KIAA0232: variants seen among roughly 807,000 people sequenced by gnomAD.
KIAA0232 encodes the protein KIAA0232.
A neutral mutation model predicts 122.0 loss-of-function variants in KIAA0232; 27 were observed. That is an observed-to-expected ratio of 0.22 (90% CI 0.16 to 0.31). The LOEUF (loss-of-function observed/expected upper bound fraction) is 0.31. Ranked by LOEUF, KIAA0232 falls within the 10% of genes least tolerant of loss-of-function variation. KIAA0232 has a pLI of 1.00. For synonymous variants in KIAA0232, 613 were observed against 587.6 expected (o/e 1.04, Z -0.63); for missense variants, 1,551 against 1,634.2 (o/e 0.95, Z 0.88).
At chr4:6,814,909 A>G (rs914370002) in intron 2 of KIAA0232, among the ~76,000 whole-genome samples, 2 of 152,180 alleles carry the variant, frequency 1.3e-5, no homozygotes, top group Non-Finnish European at 2.9e-5. Flanking sequence ...AAAAAAGACA[A>G]ATTTTAAAAT....
chr4:6,804,193 T>C (rs1322221309), intron 1 of KIAA0232, among the ~76,000 whole-genome samples: 1 of 152,184 alleles, frequency 6.6e-6, no homozygotes, highest in Non-Finnish European at 1.5e-5. Context: ...CTAACACTTT[T>C]AGCAGCTGTA....
intron 2 of KIAA0232, among the ~76,000 whole-genome samples, chr4:6,821,832 G>A (rs1718439925): frequency 1.3e-5 from 2 of 151,960 alleles, no homozygotes. Context: ...GAGTGTGCAA[G>A]TATCTTTTTG....
At chr4:6,795,824 C>T (rs1259151967) in intron 1 of KIAA0232, among the ~76,000 whole-genome samples, 1 of 152,234 alleles carries the variant, frequency 6.6e-6, no homozygotes, top group African/African-American at 2.4e-5. Flanking sequence ...CTCCTGCTCT[C>T]ATGCAGTCCG....
At chr4:6,859,244 TA>T (rs1313312294) in intron 6 of KIAA0232, among the ~76,000 whole-genome samples, 6 of 152,208 alleles carry the variant, frequency 3.9e-5, no homozygotes, top group Non-Finnish European at 8.8e-5. Flanking sequence ...AAGATACTTT[TA>T]TTTTTTTGTT....
intron 3 of KIAA0232, among the ~76,000 whole-genome samples, chr4:6,830,619 C>A (rs190394881): frequency 6.6e-6 from 1 of 151,926 alleles, no homozygotes; most frequent in Admixed American, 6.6e-5. Flanking sequence ...GTTGGCCAGG[C>A]TGGTCTCGAA....
At chr4:6,807,408 C>T (rs1717691056) in intron 2 of KIAA0232, among the ~76,000 whole-genome samples, 1 of 152,192 alleles carries the variant, frequency 6.6e-6, no homozygotes, top group Non-Finnish European at 1.5e-5. Flanking sequence ...GACTAGTAAG[C>T]ATGGAATTTC....
intron 3 of KIAA0232, among the ~76,000 whole-genome samples, chr4:6,833,590 C>T (rs1047070530): frequency 1.3e-5 from 2 of 151,820 alleles, no homozygotes; most frequent in African/African-American, 2.4e-5. Context: ...ATGATTGTGT[C>T]ACTGCACTCC....
chr4:6,851,658 G>A (rs911616658), intron 4 of KIAA0232, among the ~76,000 whole-genome samples: 9 of 150,202 alleles, frequency 6.0e-5, no homozygotes, highest in Admixed American at 2.7e-4. Flanking sequence ...CAAGGATATG[G>A]TGAGCTGTGA....
chr4:6,876,286 C>G (rs1008846291), intron 8 of KIAA0232, among the ~76,000 whole-genome samples: 7 of 152,194 alleles, frequency 4.6e-5, no homozygotes, highest in African/African-American at 1.7e-4. Context: ...TCTCCTCCAT[C>G]CATTTGTTGT....
chr4:6,858,439 A>C lies in KIAA0232; in HGVS notation c.451A>C (p.Lys151Gln). The C allele has an allele frequency of 6.2e-7, 1 of 1,600,742 alleles. No individual in the cohort carries two copies. The highest frequency in any genetic ancestry group is 8.5e-7 in the Non-Finnish European group (1 of 1,174,346). ...LQSKQEEKIH[K>Q]KLEGSPSPEA... The stretch of plus-strand genomic sequence containing the variant: ...TTTCATAACAGAAGAGAAGATTCAC[A>C]AAAAGTTAGAGGGGTCTCCCTCTCC... Residue 151 changes from lysine (K) to glutamine (Q), a missense_variant, in exon 6 of 10, where the codon AAA (lysine) becomes CAA (glutamine). Coordinates refer to ENST00000307659, the MANE Select transcript of KIAA0232 (RefSeq NM_014743.3).
chr4:6,862,935 T>C lies in KIAA0232; in HGVS notation c.2553T>C (p.Phe851=). ...VEIERTDAEL[F]SADVNNYCCC... is the part of the protein sequence containing the mutation. Reference sequence around the variant, plus strand: ...TAGAAAGAACTGATGCTGAGTTGTTTTCGGCAGATGTAAATAACTACTGCT... The same window carrying C: ...TAGAAAGAACTGATGCTGAGTTGTTCTCGGCAGATGTAAATAACTACTGCT... Residue 851 remains phenylalanine (F), a synonymous_variant, in exon 7 of 10, where the codon TTT becomes TTC. Transcript: ENST00000307659. 6.2e-7 allele frequency: 1 copy of C among 1,614,232 alleles called. No individual in the cohort carries two copies. The highest frequency in any genetic ancestry group is 8.5e-7 in the Non-Finnish European group (1 of 1,180,038).
intron 1 of KIAA0232, 78 bp from the exon 2 acceptor site, chr4:6,804,445 G>A (rs745908374): frequency 3.3e-5 from 5 of 152,180 alleles, no homozygotes; most frequent in Non-Finnish European, 4.4e-5. Flanking sequence ...GCTTTGTAAA[G>A]TGTTAAGAAA....
In KIAA0232 at chr4:6,861,514, C is replaced by T. The variant is rs1720866293; in HGVS notation, c.1132C>T (p.Pro378Ser). The T allele has an allele frequency of 6.8e-6, 11 of 1,613,964 alleles. No individual in the cohort carries two copies. In the East Asian group the frequency reaches 2.5e-4, roughly 36 times the overall value. ...RPLKEIGRKD[P>S]GSTEGKDLYM... ...TTTAAAAGAAATAGGGAGAAAAGAT[C>T]CTGGGAGCACTGAAGGAAAAGACCT... The change falls in exon 7 of 10, where the codon CCT (proline) becomes TCT (serine). Residue 378 changes from proline to serine, a missense_variant. Pro to Ser is a moderately conservative substitution (Grantham distance 74). Around this residue, in one of 5 missense-constraint regions of KIAA0232, gnomAD observed 377 missense variants for 381.7 expected, o/e 0.99. Coordinates refer to ENST00000307659, the MANE Select transcript of KIAA0232 (RefSeq NM_014743.3).
At chr4:6,847,379 A>G (rs935283985) in intron 4 of KIAA0232, among the ~76,000 whole-genome samples, 2 of 152,232 alleles carry the variant, frequency 1.3e-5, no homozygotes, top group African/African-American at 4.8e-5. Flanking sequence ...TGTACCCCAC[A>G]TTATGGCACT....
At chr4:6,821,344 G>A (rs939356065) in intron 2 of KIAA0232, among the ~76,000 whole-genome samples, 1 of 152,006 alleles carries the variant, frequency 6.6e-6, no homozygotes, top group Non-Finnish European at 1.5e-5. Context: ...ACTCTACCCA[G>A]TTTGTAGTCT....
intron 3 of KIAA0232, among the ~76,000 whole-genome samples, chr4:6,828,272 G>A (rs1409444204): frequency 6.6e-6 from 1 of 152,222 alleles, no homozygotes; most frequent in Non-Finnish European, 1.5e-5. Context: ...AACTTGGGAA[G>A]CTGAGGTAGG....
chr4:6,811,565 C>G (rs968407098), intron 2 of KIAA0232, among the ~76,000 whole-genome samples: 2 of 152,086 alleles, frequency 1.3e-5, no homozygotes, highest in African/African-American at 4.8e-5. Flanking sequence ...ATCTCAGCCT[C>G]CTGAGTAGCT....
rs749367195 is a variant in KIAA0232, at chr4:6,855,294, G to T, written c.370-1870G>T. ...GTAGAAACGGGGTTTCACCATGTTC[G>T]CCAGGCTAGTCTTGAACTCCTGACC... On this transcript the variant is annotated intron_variant, in intron 4 of 9. Coordinates refer to ENST00000307659, the MANE Select transcript of KIAA0232 (RefSeq NM_014743.3). This position sits in a 1 kb window ranked among gnomAD's most constrained non-coding sequence, Gnocchi z 4.3. Among the ~76,000 whole-genome samples the T allele has an allele frequency of 6.6e-6, 1 of 151,834 alleles. No individual in the cohort carries two copies. Among genetic ancestry groups the T allele is most frequent in the Admixed American group, 6.6e-5 (1 of 15,228 alleles).
At chr4:6,807,028 G>GTCTATCTATCTATCTA (rs1452792244) in intron 2 of KIAA0232, among the ~76,000 whole-genome samples, 6 of 113,262 alleles carry the variant, frequency 5.3e-5, no homozygotes, top group South Asian at 2.9e-4. Flanking sequence ...TTGTCTGTCT[G>GTCTATCTATCTATCTA]TCTGTCTATC....
Sources: allele counts gnomAD v4.1 joint callset (sites outside exome capture counted in the v4.1 genomes callset), GRCh38; gene constraint gnomAD v4.1.1; regional missense constraint gnomAD v4.1.1; non-coding constraint Gnocchi (gnomAD v3.1); transcripts MANE v1.5; gene names NCBI Gene and HGNC (gene_info 2026-07-23, HGNC 2026-07-21).